MGA: variants seen among roughly 807,000 people sequenced by gnomAD.
MGA encodes the protein MAX gene-associated protein.
MGA carries 40 observed loss-of-function variants against 261.1 expected under a neutral mutation model. That is an observed-to-expected ratio of 0.15 (90% CI 0.12 to 0.20). MGA has a LOEUF of 0.20. Ranked by LOEUF, MGA falls within the 10% of genes least tolerant of loss-of-function variation. The pLI is 1.00. For synonymous variants in MGA, 1,302 were observed against 1,290.6 expected (o/e 1.01, Z -0.19); for missense variants, 3,397 against 3,630.5 (o/e 0.94, Z 1.65).
intron 1 of MGA, among the ~76,000 whole-genome samples, chr15:41,666,166 A>G (rs980914871): frequency 7.9e-5 from 12 of 151,652 alleles, no homozygotes; most frequent in African/African-American, 2.9e-4. Flanking sequence ...AAGTGATGGA[A>G]TTACCGGTGT....
intron 6 of MGA, 98 bp from the exon 7 acceptor site, chr15:41,708,006 A>C (rs2060203761): frequency 7.5e-7 from 1 of 1,342,138 alleles, no homozygotes; most frequent in Non-Finnish European, 1.0e-6. Context: ...TTGATAAGTG[A>C]TTTATACACT....
chr15:41,716,325 G>A (rs1172389249), intron 9 of MGA, among the ~76,000 whole-genome samples: 3 of 151,946 alleles, frequency 2.0e-5, no homozygotes, highest in Non-Finnish European at 4.4e-5. Context: ...GTGGTGGCGG[G>A]CACCTGTAGT....
intron 2 of MGA, among the ~76,000 whole-genome samples, chr15:41,688,496 C>A (rs1255199259): frequency 6.6e-6 from 1 of 152,184 alleles, no homozygotes; most frequent in East Asian, 1.9e-4. Flanking sequence ...CTTGAATTTA[C>A]ATTGCGACTC....
chr15:41,673,649 T>A (rs2058207844), intron 2 of MGA, among the ~76,000 whole-genome samples: 1 of 150,800 alleles, frequency 6.6e-6, no homozygotes, highest in Non-Finnish European at 1.5e-5. Context: ...TTCAAGTGAT[T>A]CTCCTGCCTC....
At chr15:41,691,738 A>G (rs1424102516) in intron 2 of MGA, 2 of 353,434 alleles carry the variant, frequency 5.7e-6, no homozygotes, top group East Asian at 7.6e-5. Flanking sequence ...GCGGTAAAGT[A>G]TATTGTCTTC....
chr15:41,760,053 A>G (rs2063366085), intron 19 of MGA: 1 of 402,602 alleles, frequency 2.5e-6, no homozygotes, highest in East Asian at 4.3e-5. Context: ...CCTGTAACAT[A>G]TACAATTTCT....
At position 41,742,825 on chromosome 15, in the gene MGA, A is replaced by C; in HGVS notation, c.4865A>C (p.Glu1622Ala). Residue 1622 changes from glutamate (E) to alanine (A), a missense_variant, in exon 15 of 24, where the codon GAA becomes GCA. Coordinates refer to ENST00000219905, the MANE Select transcript of MGA (RefSeq NM_001164273.2). ...CCTATGACTGCTATTTCTGACGTGG[A>C]AACTAAAGAAACTACTTATTCTTCT... is the stretch of plus-strand genomic sequence containing the variant. The C allele has an allele frequency of 6.2e-7, 1 of 1,613,982 alleles. No homozygotes were observed. Among genetic ancestry groups the C allele is most frequent in the Non-Finnish European group, 8.5e-7 (1 of 1,179,896 alleles).
chr15:41,649,122 A>G (rs770888590), intron 1 of MGA, among the ~76,000 whole-genome samples: 2 of 152,080 alleles, frequency 1.3e-5, no homozygotes, highest in Non-Finnish European at 2.9e-5. Context: ...AGTGGCTCAC[A>G]CCTGTAATCC....
rs568907702 is a variant in MGA at position 41,755,891 on chromosome 15, C to T, written c.7139+1324C>T. ...CAAATTAGCCGGGCTTGTTGGCACACGCCTGTAGTCCCAGCTACTCGGGAG... is the reference window on the plus strand; with the variant it reads ...CAAATTAGCCGGGCTTGTTGGCACATGCCTGTAGTCCCAGCTACTCGGGAG... On this transcript the variant is annotated intron_variant, in intron 18 of 23. Coordinates refer to ENST00000219905, the MANE Select transcript of MGA (RefSeq NM_001164273.2). Among the ~76,000 whole-genome samples, 4 of 152,116 alleles carry T rather than the reference C, an allele frequency of 2.6e-5. No individual in the cohort carries two copies. The East Asian group carries it at 5.8e-4, about 22-fold the overall frequency.
chr15:41,713,979 GT>G (rs199904788), intron 9 of MGA, among the ~76,000 whole-genome samples: 1 of 151,070 alleles, frequency 6.6e-6, no homozygotes. Context: ...TGAAAATTGG[GT>G]TTTTTTTTGG....
At chr15:41,708,249 G>A in intron 7 of MGA, 41 bp downstream of exon 7, 1 of 1,340,304 alleles carries the variant, frequency 7.5e-7, no homozygotes, top group Non-Finnish European at 1.0e-6. Flanking sequence ...TCTGAAACAT[G>A]TAGCCAGAAA....
intron 1 of MGA, among the ~76,000 whole-genome samples, chr15:41,644,607 C>T (rs918426199): frequency 1.2e-4 from 18 of 151,728 alleles, no homozygotes; most frequent in African/African-American, 4.1e-4. Flanking sequence ...TGCAGTGAGC[C>T]GAGACTGTAC....
rs376472081 is a variant in MGA, at chr15:41,641,724, G to A, written c.-68+20426G>A. Among the ~76,000 whole-genome samples, 23 of 151,946 alleles carry A rather than the reference G, an allele frequency of 1.5e-4. No individual in the cohort carries two copies. The South Asian group carries it at 2.9e-3, about 19-fold the overall frequency. Reference sequence around the variant, plus strand: ...AGGATGGTCTCGATCTCTTGACCTCGTGATCTGCCTGCTTTGGCCTCCCAA... The same window carrying A: ...AGGATGGTCTCGATCTCTTGACCTCATGATCTGCCTGCTTTGGCCTCCCAA... On this transcript the variant is annotated intron_variant, in intron 1 of 8. Transcript: ENST00000566718.
chr15:41,663,069 G>T (rs2057512638), intron 1 of MGA, among the ~76,000 whole-genome samples: 1 of 152,134 alleles, frequency 6.6e-6, no homozygotes. Flanking sequence ...GTTGTATGAG[G>T]ATCATTGCTT....
chr15:41,673,344 A>G (rs2004162), intron 2 of MGA, among the ~76,000 whole-genome samples: 45,952 of 151,260 alleles, frequency 0.3, 7,691 homozygotes, highest in Admixed American at 0.39. Context: ...CAGCCTCTGG[A>G]TTAGCTGGAA....
At position 41,750,277 on chromosome 15, in the gene MGA, T is replaced by A; in HGVS notation, c.6670T>A (p.Leu2224Ile). 5.0e-6 allele frequency: 8 copies of A among 1,613,996 alleles called. No individual in the cohort carries two copies. Among genetic ancestry groups the A allele is most frequent in the Non-Finnish European group, 5.9e-6 (7 of 1,179,892 alleles). Residue 2224 changes from leucine (L) to isoleucine (I), a missense_variant, in exon 17 of 24, where the codon TTA (leucine) becomes ATA (isoleucine). This residue lies in a region of MGA where 1,410 missense variants were observed against 1,386.4 expected (regional missense o/e 1.02). Transcript: ENST00000219905. ...TCAGCAAGAACAAGGCATCTCTGAC[T>A]TACTTGGAAAAAGTGGAATTACTGA... is the stretch of plus-strand genomic sequence containing the variant.
Position 41,745,449 on chromosome 15 carries a change from C to CT in MGA, c.5212+2286dup, listed in dbSNP as rs200588459. Among the ~76,000 whole-genome samples, 428 of 149,764 alleles carry CT rather than the reference C, an allele frequency of 2.9e-3. 4 individuals carry two copies. Among genetic ancestry groups the CT allele is most frequent in the African/African-American group, 9.5e-3 (387 of 40,910 alleles). Reference sequence around the variant, plus strand: ...TATTCTGAGCACATGGCTTTGCTGTCTTTTTTTTTAAAGAAGAAAGCTAGA... The same window carrying CT: ...TATTCTGAGCACATGGCTTTGCTGTCTTTTTTTTTTAAAGAAGAAAGCTAGA... On this transcript the variant is annotated intron_variant, in intron 15 of 23. Transcript: ENST00000219905.
At chr15:41,625,918 G>A (rs965936493) in intron 1 of MGA, among the ~76,000 whole-genome samples, 1 of 151,936 alleles carries the variant, frequency 6.6e-6, no homozygotes, top group East Asian at 1.9e-4. Flanking sequence ...CCTTATCCAT[G>A]GTTTCAGTTT....
intron 1 of MGA, among the ~76,000 whole-genome samples, chr15:41,637,347 T>C (rs1283139463): frequency 1.3e-5 from 2 of 152,222 alleles, no homozygotes; most frequent in Non-Finnish European, 1.5e-5. Flanking sequence ...AAGTTATTGA[T>C]TGACTTAATT....
Sources: allele counts gnomAD v4.1 joint callset (sites outside exome capture counted in the v4.1 genomes callset), GRCh38; gene constraint gnomAD v4.1.1; regional missense constraint gnomAD v4.1.1; transcripts MANE v1.5; gene names NCBI Gene and HGNC (gene_info 2026-07-23, HGNC 2026-07-21).